Variants in ZNF138 observed in about 807,000 individuals in gnomAD.
ZNF138 encodes the protein zinc finger protein 138 (clone pHZ-32).
Under a neutral mutation model 33.0 loss-of-function variants are expected in ZNF138, and 33 were observed. The ratio of observed to expected loss-of-function variants is 1.00; its 90% CI spans 0.76 to 1.34. The LOEUF is 1.34. Among genes scored for constraint, ZNF138 ranks in the 40% most tolerant of loss-of-function variants. The pLI is 0.00. For synonymous variants in ZNF138, 139 were observed against 120.4 expected (o/e 1.15, Z -1.01); for missense variants, 360 against 370.8 (o/e 0.97, Z 0.24).
intron 3 of ZNF138, among the ~76,000 whole-genome samples, chr7:64,817,594 G>A (rs1477673658): frequency 2.7e-5 from 4 of 146,820 alleles, no homozygotes; most frequent in Non-Finnish European, 4.5e-5. Context: ...TCTCCAATGT[G>A]AATGTACCAT....
At chr7:64,852,864 G>T in the ZNF138 span, 1 of 874,512 alleles carries the variant, frequency 1.1e-6, no homozygotes, top group Non-Finnish European at 2.0e-6. Flanking sequence ...CAGGGGTTTA[G>T]TACTGTTTGG....
downstream of ZNF138, among the ~76,000 whole-genome samples, chr7:64,837,038 G>T (rs1022800891): frequency 4.6e-5 from 7 of 152,216 alleles, no homozygotes; most frequent in Non-Finnish European, 1.0e-4. Flanking sequence ...CCAGCGAAAG[G>T]TGTTAGCAAA....
chr7:64,837,629 T>G (rs769713292), downstream of ZNF138, among the ~76,000 whole-genome samples: 1 of 152,140 alleles, frequency 6.6e-6, no homozygotes, highest in Non-Finnish European at 1.5e-5. Context: ...TGATTAGGTG[T>G]TGTTTGACAA....
At chr7:64,843,981 G>A in the ZNF138 span, among the ~76,000 whole-genome samples, 1 of 152,056 alleles carries the variant, frequency 6.6e-6, no homozygotes, top group East Asian at 1.9e-4. Flanking sequence ...GCGCCACCAT[G>A]CCCAGCTAAT....
intron 3 of ZNF138, among the ~76,000 whole-genome samples, chr7:64,830,311 C>A (rs1269473987): frequency 6.6e-6 from 1 of 151,786 alleles, no homozygotes; most frequent in Non-Finnish European, 1.5e-5. Context: ...TACAGTATTT[C>A]AGTTATTTTT....
At chr7:64,799,595 TTTA>T (rs1274169502) in intron 1 of ZNF138, among the ~76,000 whole-genome samples, 1 of 152,230 alleles carries the variant, frequency 6.6e-6, no homozygotes, top group African/African-American at 2.4e-5. Context: ...TCCTGGATGT[TTTA>T]TTATTTTTGT....
the ZNF138 span, among the ~76,000 whole-genome samples, chr7:64,839,363 G>A: frequency 1.3e-5 from 2 of 152,154 alleles, no homozygotes; most frequent in Non-Finnish European, 2.9e-5. Context: ...TCCCTTTATG[G>A]CAGCCGTCTG....
chr7:64,798,752 T>C (rs1249283768), intron 1 of ZNF138, among the ~76,000 whole-genome samples: 16 of 139,918 alleles, frequency 1.1e-4, no homozygotes, highest in Non-Finnish European at 2.3e-4. Flanking sequence ...CACTCCAGCC[T>C]GGGCAACAAG....
At chr7:64,840,054 G>A in the ZNF138 span, among the ~76,000 whole-genome samples, 18 of 152,188 alleles carry the variant, frequency 1.2e-4, no homozygotes, top group Admixed American at 7.2e-4. Flanking sequence ...GTGGGCATGC[G>A]CGTTAGTCGG....
intron 1 of ZNF138, among the ~76,000 whole-genome samples, chr7:64,806,114 TAACCACA>T (rs1787574493): frequency 1.3e-5 from 2 of 152,330 alleles, no homozygotes; most frequent in South Asian, 4.1e-4. Flanking sequence ...CACTGTAGAA[TAACCACA>T]TATAATATAA....
chr7:64,828,383 T>A (rs1789815546), intron 3 of ZNF138, among the ~76,000 whole-genome samples: 1 of 152,146 alleles, frequency 6.6e-6, no homozygotes, highest in Non-Finnish European at 1.5e-5. Flanking sequence ...AAACACTATT[T>A]TGTTTCCTGA....
intron 3 of ZNF138, among the ~76,000 whole-genome samples, chr7:64,828,732 G>A (rs1002405936): frequency 3.3e-5 from 5 of 150,526 alleles, no homozygotes; most frequent in Middle Eastern, 3.5e-3. Context: ...TAATTCTGTA[G>A]CTTTGTAATA....
the ZNF138 span, among the ~76,000 whole-genome samples, chr7:64,848,707 T>TTTTA: frequency 1.6e-5 from 2 of 127,460 alleles, no homozygotes; most frequent in South Asian, 4.9e-4. Context: ...TTGGTGGATT[T>TTTTA]TTTTTTTTTT....
At chr7:64,799,918 G>A (rs1459337652) in intron 1 of ZNF138, among the ~76,000 whole-genome samples, 8 of 152,198 alleles carry the variant, frequency 5.3e-5, no homozygotes, top group Non-Finnish European at 1.2e-4. Context: ...AAAGTGCTGG[G>A]ATTTCAGGTG....
intron 3 of ZNF138, among the ~76,000 whole-genome samples, chr7:64,827,317 G>A (rs376507199): frequency 4.0e-4 from 61 of 151,334 alleles, no homozygotes; most frequent in African/African-American, 1.4e-3. Context: ...GCACAATCTC[G>A]GTTCACTGCA....
At chr7:64,808,470 T>C (rs1007881559) in intron 1 of ZNF138, among the ~76,000 whole-genome samples, 1 of 152,034 alleles carries the variant, frequency 6.6e-6, no homozygotes, top group Non-Finnish European at 1.5e-5. Flanking sequence ...GCATAATAAA[T>C]AGATGTGGGC....
At chr7:64,822,436 G>A (rs1055296685) in intron 3 of ZNF138, among the ~76,000 whole-genome samples, 1 of 151,332 alleles carries the variant, frequency 6.6e-6, no homozygotes, top group Non-Finnish European at 1.5e-5. Flanking sequence ...TGATTTTTTA[G>A]GTCTAAACAT....
At chr7:64,811,724 A>G (rs1217917709) in intron 1 of ZNF138, among the ~76,000 whole-genome samples, 1 of 152,200 alleles carries the variant, frequency 6.6e-6, no homozygotes, top group Non-Finnish European at 1.5e-5. Flanking sequence ...CATTTGTCCT[A>G]GAAGTATTTG....
At chr7:64,831,022 C>G (rs1408927666) in intron 3 of ZNF138, 1 of 1,551,886 alleles carries the variant, frequency 6.4e-7, no homozygotes, top group Non-Finnish European at 8.7e-7. Context: ...CACTTTATGT[C>G]ATGGGAAACA....
Sources: allele counts gnomAD v4.1 joint callset (sites outside exome capture counted in the v4.1 genomes callset), GRCh38; gene constraint gnomAD v4.1.1; transcripts MANE v1.5; gene names NCBI Gene and HGNC (gene_info 2026-07-23, HGNC 2026-07-21).